MGAT4C: variants seen among roughly 807,000 people sequenced by gnomAD.
MGAT4C encodes the protein alpha-1,3-mannosyl-glycoprotein 4-beta-N-acetylglucosaminyltransferase C.
A neutral mutation model predicts 40.1 loss-of-function variants in MGAT4C; 19 were observed. The ratio of observed to expected loss-of-function variants is 0.47; its 90% CI spans 0.33 to 0.70. The LOEUF (loss-of-function observed/expected upper bound fraction) is 0.70, where lower values mean the gene tolerates loss of function less well. Ranked by LOEUF, MGAT4C falls within the 30% of genes least tolerant of loss-of-function variation. MGAT4C has a pLI of 0.02. For synonymous variants in MGAT4C, 181 were observed against 187.1 expected, an observed-to-expected ratio of 0.97 and a Z score of 0.27; for missense variants, 491 against 563.2, an observed-to-expected ratio of 0.87 and a Z score of 1.30.
chr12:86,560,500 G>A (rs1399838384), intron 2 of MGAT4C, among the ~76,000 whole-genome samples: 5 of 151,938 alleles, frequency 3.3e-5, no homozygotes, highest in Admixed American at 6.6e-5. Context: ...ATCAACAAAC[G>A]TAATATATCA....
intron 2 of MGAT4C, among the ~76,000 whole-genome samples, chr12:86,028,432 C>T (rs1565880519): frequency 2.0e-5 from 3 of 151,800 alleles, no homozygotes; most frequent in African/African-American, 7.2e-5. Context: ...TGGTGTCTAA[C>T]TTGTAGTTTG....
In MGAT4C at chr12:86,794,786, G is replaced by A. The variant is rs979486190; in HGVS notation, c.-262+43880C>T. 1.8e-4 allele frequency among the ~76,000 whole-genome samples: 28 copies of A among 151,638 alleles called. 1 individual carries two copies. Among genetic ancestry groups the A allele is most frequent in the Admixed American group, 1.1e-3 (17 of 15,206 alleles). On this transcript the variant is annotated intron_variant, in intron 1 of 7. Transcript: ENST00000548651. Reference sequence around the variant, plus strand: ...AGTACAAACAGAAATCAATTTTTTTGTTTGATGCAATAAAATATGACTTAT... The same window carrying A: ...AGTACAAACAGAAATCAATTTTTTTATTTGATGCAATAAAATATGACTTAT...
chr12:86,225,385 A>C (rs776646801), intron 1 of MGAT4C, among the ~76,000 whole-genome samples: 47 of 152,234 alleles, frequency 3.1e-4, no homozygotes, highest in African/African-American at 1.1e-3. Context: ...ACTAATATCA[A>C]TCTTCCTGAA....
intron 3 of MGAT4C, among the ~76,000 whole-genome samples, chr12:86,381,717 T>A (rs924162442): frequency 6.6e-6 from 1 of 152,218 alleles, no homozygotes; most frequent in African/African-American, 2.4e-5. Context: ...CAATTAGGCA[T>A]CTGATATGGT....
intron 2 of MGAT4C, among the ~76,000 whole-genome samples, chr12:86,015,264 T>TGTGTG (rs1888970440): frequency 6.6e-6 from 1 of 151,700 alleles, no homozygotes; most frequent in Non-Finnish European, 1.5e-5. Context: ...TGTGTGTGTG[T>TGTGTG]TTTCCGCTAG....
intron 2 of MGAT4C, chr12:86,013,685 A>G: frequency 1.0e-6 from 1 of 977,488 alleles, no homozygotes; most frequent in Non-Finnish European, 1.2e-6. Context: ...TCCTACCTGA[A>G]TTTTACCTAC....
chr12:86,732,556 C>A (rs564496607), intron 1 of MGAT4C, among the ~76,000 whole-genome samples: 1 of 152,044 alleles, frequency 6.6e-6, no homozygotes, highest in African/African-American at 2.4e-5. Flanking sequence ...CGTGTGCAAC[C>A]TATATCCCTT....
intron 4 of MGAT4C, among the ~76,000 whole-genome samples, chr12:86,282,069 A>G (rs960423509): frequency 6.6e-6 from 1 of 152,022 alleles, no homozygotes; most frequent in African/African-American, 2.4e-5. Context: ...GGCTTTTTAA[A>G]TTTTACTTTG....
At chr12:86,286,189 G>A (rs1233710410) in intron 4 of MGAT4C, among the ~76,000 whole-genome samples, 2 of 151,622 alleles carry the variant, frequency 1.3e-5, no homozygotes, top group African/African-American at 4.9e-5. Context: ...TATTTAGTGA[G>A]TTGGAGACAG....
chr12:86,506,492 AT>A (rs1157517164), intron 2 of MGAT4C, among the ~76,000 whole-genome samples: 1 of 152,188 alleles, frequency 6.6e-6, no homozygotes, highest in Non-Finnish European at 1.5e-5. Context: ...ATGATTTAAA[AT>A]TTACAGCATT....
At chr12:86,661,396 C>T (rs1195602585) in intron 2 of MGAT4C, among the ~76,000 whole-genome samples, 1 of 151,536 alleles carries the variant, frequency 6.6e-6, no homozygotes, top group East Asian at 1.9e-4. Context: ...AAATAAGATA[C>T]ATATTTAAAA....
At chr12:86,461,138 A>G in intron 2 of MGAT4C, among the ~76,000 whole-genome samples, 1 of 152,250 alleles carries the variant, frequency 6.6e-6, no homozygotes, top group South Asian at 2.1e-4. Context: ...GACAAACAGC[A>G]TAAAATACCT....
intron 2 of MGAT4C, among the ~76,000 whole-genome samples, chr12:86,534,531 A>C (rs1959038890): frequency 6.6e-6 from 1 of 152,154 alleles, no homozygotes; most frequent in Admixed American, 6.6e-5. Context: ...TCATCTCAGA[A>C]TAAATCTCTT....
intron 1 of MGAT4C, among the ~76,000 whole-genome samples, chr12:86,124,268 TAA>T (rs1364089133): frequency 6.6e-6 from 1 of 152,136 alleles, no homozygotes; most frequent in Non-Finnish European, 1.5e-5. Flanking sequence ...TACTTAAAAC[TAA>T]AGTTATAATA....
chr12:86,012,270 A>C (rs527331720), intron 2 of MGAT4C, among the ~76,000 whole-genome samples: 2 of 152,308 alleles, frequency 1.3e-5, no homozygotes, highest in South Asian at 4.1e-4. Flanking sequence ...TGTGTTTTCA[A>C]AAACAGCTTC....
chr12:86,640,528 T>C (rs2136519567), intron 2 of MGAT4C, among the ~76,000 whole-genome samples: 1 of 152,084 alleles, frequency 6.6e-6, no homozygotes, highest in Middle Eastern at 3.4e-3. Flanking sequence ...GGTCTATCAA[T>C]TTAGTTGATC....
chr12:86,207,328 G>C (rs941600576), intron 1 of MGAT4C, among the ~76,000 whole-genome samples: 4 of 151,898 alleles, frequency 2.6e-5, no homozygotes, highest in East Asian at 1.9e-4. Context: ...GAACGTGCAG[G>C]CTTGTTACAT....
intron 3 of MGAT4C, among the ~76,000 whole-genome samples, chr12:86,409,538 C>T (rs1302787125): frequency 6.6e-6 from 1 of 152,134 alleles, no homozygotes; most frequent in South Asian, 2.1e-4. Flanking sequence ...CAAAAGACAT[C>T]ACAACCTTAC....
intron 3 of MGAT4C, among the ~76,000 whole-genome samples, chr12:86,405,935 C>T (rs1164871293): frequency 2.2e-3 from 6 of 2,706 alleles, no homozygotes; most frequent in African/African-American, 7.3e-3. Context: ...ATTATACATA[C>T]ATTTATAAAT....
Sources: gnomAD v4.1 joint callset for allele counts (sites outside exome capture counted in the v4.1 genomes callset) on GRCh38, gnomAD v4.1.1 for gene constraint, MANE v1.5 for transcripts, NCBI Gene and HGNC (gene_info 2026-07-23, HGNC 2026-07-21) for gene names.